DOCK7: variants seen among roughly 807,000 people sequenced by gnomAD.
DOCK7 encodes dedicator of cytokinesis protein 7.
DOCK7 carries 138 observed loss-of-function variants against 271.0 expected under a neutral mutation model. The ratio of observed to expected loss-of-function variants is 0.51; its 90% confidence interval spans 0.44 to 0.59. DOCK7 has a LOEUF of 0.59. Ranked by LOEUF, DOCK7 falls within the 20% of genes least tolerant of loss-of-function variation. DOCK7 has a pLI of 0.00. For missense variants in DOCK7, 2,066 were observed against 2,592.4 expected (o/e 0.80, Z 4.41); for synonymous variants, 823 against 876.1 (o/e 0.94, Z 1.07).
rs752811052 is a variant in DOCK7, at chr1:62,528,169, A to C, written c.3918T>G (p.Ser1306Arg). 4 of 1,609,984 alleles carry C rather than the reference A, an allele frequency of 2.5e-6. No individual in the cohort carries two copies. The African/African-American group carries it at 5.4e-5, about 22-fold the overall frequency. The change falls in exon 31 of 50, where the codon AGT becomes AGG. Residue 1306 changes from serine to arginine, a missense_variant. By Grantham distance (110) the Ser-to-Arg change is moderately radical. This residue lies in a region of DOCK7 where 1,414 missense variants were observed against 1,670.4 expected (regional missense o/e 0.85). Coordinates refer to ENST00000635253, the MANE Select transcript of DOCK7 (RefSeq NM_001367561.1). ...TSVPQLTRPG[S>R]FLLTSTSGRQ... The stretch of plus-strand genomic sequence containing the variant: ...TTTTTACCGTTGACGTGAGGAGGAA[A>C]CTGCCAGGCCTTGTTAGTTGAGGGA...
chr1:62,517,220 C>T (rs1168045), intron 31 of DOCK7, among the ~76,000 whole-genome samples: 87,862 of 152,016 alleles, frequency 0.58, 26,984 homozygotes, highest in Middle Eastern at 0.71. Flanking sequence ...CCTTTTATTA[C>T]CATTATGGCA....
intron 2 of DOCK7, among the ~76,000 whole-genome samples, chr1:62,656,780 G>C (rs1437228161): frequency 7.2e-6 from 1 of 139,114 alleles, no homozygotes; most frequent in African/African-American, 2.6e-5. Flanking sequence ...AATACACCAA[G>C]AAGCCCTAGG....
intron 43 of DOCK7, chr1:62,479,787 G>T (rs911863452): frequency 1.0e-5 from 3 of 286,414 alleles, no homozygotes; most frequent in South Asian, 3.2e-5. Context: ...GGGCTCAAGC[G>T]ATCCTTCCAC....
At chr1:62,573,242 C>G (rs1398150726) in intron 18 of DOCK7, among the ~76,000 whole-genome samples, 1 of 152,022 alleles carries the variant, frequency 6.6e-6, no homozygotes, top group Non-Finnish European at 1.5e-5. Context: ...GGGCTGGAGG[C>G]AGAAAAAAGC....
At chr1:62,578,750 AC>A in intron 17 of DOCK7, 77 bp downstream of exon 17, 1 of 1,030,970 alleles carries the variant, frequency 9.7e-7, no homozygotes. Flanking sequence ...CCCACAAATG[AC>A]CAGAAATATC....
At chr1:62,657,394 A>G (rs1187705087) in intron 2 of DOCK7, among the ~76,000 whole-genome samples, 4 of 152,210 alleles carry the variant, frequency 2.6e-5, no homozygotes, top group African/African-American at 9.6e-5. Flanking sequence ...AAAACAAGAT[A>G]GCATCCACCT....
At chr1:62,552,014 G>T (rs1645923781) in intron 22 of DOCK7, among the ~76,000 whole-genome samples, 1 of 151,932 alleles carries the variant, frequency 6.6e-6, no homozygotes. Context: ...TTAAGGAAAT[G>T]CTGTCTATAG....
chr1:62,656,950 C>G (rs1019950662), intron 2 of DOCK7, among the ~76,000 whole-genome samples: 3 of 152,218 alleles, frequency 2.0e-5, no homozygotes, highest in Admixed American at 2.0e-4. Context: ...CATCCCAACT[C>G]TCCCCACCAG....
intron 14 of DOCK7, among the ~76,000 whole-genome samples, chr1:62,613,816 T>C (rs1359218956): frequency 6.6e-6 from 1 of 152,112 alleles, no homozygotes; most frequent in Non-Finnish European, 1.5e-5. Flanking sequence ...CTAAATACAA[T>C]ATGGAAATAT....
At chr1:62,592,553 A>G (rs976998923) in intron 14 of DOCK7, among the ~76,000 whole-genome samples, 1 of 152,170 alleles carries the variant, frequency 6.6e-6, no homozygotes, top group Admixed American at 6.5e-5. Context: ...TGTTATATAT[A>G]TAACAAAGAA....
intron 1 of DOCK7, among the ~76,000 whole-genome samples, chr1:62,666,622 T>C (rs940738559): frequency 1.1e-4 from 16 of 152,212 alleles, no homozygotes; most frequent in African/African-American, 3.9e-4. Flanking sequence ...AACCATATCA[T>C]GATCCAAAGT....
intron 18 of DOCK7, among the ~76,000 whole-genome samples, chr1:62,573,839 G>A (rs1335030848): frequency 2.0e-5 from 3 of 151,882 alleles, no homozygotes; most frequent in African/African-American, 7.3e-5. Flanking sequence ...GTGCAGTGGT[G>A]CAATCAAGGT....
rs1452857313 is a variant in DOCK7 at position 62,578,976 on chromosome 1, A to C, written c.1872-10T>G. 1.2e-6 allele frequency: 1 copy of C among 838,438 alleles called. No homozygotes were observed. Among genetic ancestry groups the C allele is most frequent in the East Asian group, 4.6e-5 (1 of 21,684 alleles). The allele number at this position is 838,438 out of a possible 1,614,324, so 51.9% of individuals were successfully genotyped here. On this transcript the variant is annotated splice_polypyrimidine_tract_variant and intron_variant, in intron 16 of 49. Coordinates refer to ENST00000635253, the MANE Select transcript of DOCK7 (RefSeq NM_001367561.1). Reference sequence around the variant, plus strand: ...ATGAAAATCAGGAGACCTTCATACAAAAAAAAAAAAAAATCAACAGTCAGT... The same window carrying C: ...ATGAAAATCAGGAGACCTTCATACACAAAAAAAAAAAAATCAACAGTCAGT...
intron 14 of DOCK7, among the ~76,000 whole-genome samples, chr1:62,593,124 T>C (rs1266781421): frequency 2.0e-5 from 3 of 152,166 alleles, no homozygotes; most frequent in Non-Finnish European, 2.9e-5. Context: ...CATGAGCTAT[T>C]ATACATAACA....
intron 48 of DOCK7, among the ~76,000 whole-genome samples, chr1:62,465,137 C>T (rs1186410159): frequency 6.6e-6 from 1 of 152,146 alleles, no homozygotes; most frequent in African/African-American, 2.4e-5. Context: ...TTTGTAGCCA[C>T]CTCTTGTTGC....
chr1:62,683,827 C>T (rs1400437857), intron 1 of DOCK7, among the ~76,000 whole-genome samples: 1 of 151,872 alleles, frequency 6.6e-6, no homozygotes, highest in Non-Finnish European at 1.5e-5. Flanking sequence ...ACTTGGGAGG[C>T]TGAGGTGGGA....
At chr1:62,467,945 T>G (rs1465345580) in intron 48 of DOCK7, among the ~76,000 whole-genome samples, 5 of 152,052 alleles carry the variant, frequency 3.3e-5, no homozygotes, top group Admixed American at 3.3e-4. Flanking sequence ...GCAGGGATGG[T>G]TTAACATACA....
intron 14 of DOCK7, among the ~76,000 whole-genome samples, chr1:62,593,057 T>C (rs1259493139): frequency 1.3e-5 from 2 of 152,148 alleles, no homozygotes; most frequent in African/African-American, 2.4e-5. Context: ...GGTAACTCTA[T>C]AGACATTCAT....
intron 35 of DOCK7, among the ~76,000 whole-genome samples, chr1:62,506,453 G>A (rs1646939024): frequency 7.0e-6 from 1 of 142,706 alleles, no homozygotes; most frequent in Non-Finnish European, 1.5e-5. Flanking sequence ...CTTTAGTCAG[G>A]ATAATGACTG....
Sources: gnomAD v4.1 joint callset for allele counts (sites outside exome capture counted in the v4.1 genomes callset) on GRCh38, gnomAD v4.1.1 for gene constraint, gnomAD v4.1.1 regional missense constraint, MANE v1.5 for transcripts, NCBI Gene and HGNC (gene_info 2026-07-23, HGNC 2026-07-21) for gene names.